The following PLA2R1 variants were observed in gnomAD, a reference collection of about 807,000 sequenced individuals.
PLA2R1 encodes the protein secretory phospholipase A2 receptor.
A neutral mutation model predicts 195.9 loss-of-function variants in PLA2R1; 158 were observed. That is an observed-to-expected ratio of 0.81 (90% CI 0.71 to 0.92). PLA2R1 has a LOEUF of 0.92. Among genes scored for constraint, PLA2R1 ranks in the 40% least tolerant of loss-of-function variants. The probability of loss-of-function intolerance (pLI) is 0.00; values close to 1 mark genes in which losing one functional copy is unlikely to be tolerated. For synonymous variants in PLA2R1, 586 were observed against 598.2 expected, an observed-to-expected ratio of 0.98 and a Z score of 0.30; for missense variants, 1,626 against 1,764.6, an observed-to-expected ratio of 0.92 and a Z score of 1.41.
chr2:160,022,976 T>C (rs1392574494), intron 6 of PLA2R1, 117 bp from the exon 7 acceptor site: 5 of 689,110 alleles, frequency 7.3e-6, no homozygotes, highest in East Asian at 5.4e-5. Flanking sequence ...AACAGAAATA[T>C]ACAAAATGAC....
chr2:159,951,468 C>T lies in PLA2R1; in HGVS notation c.3412G>A (p.Ala1138Thr). The T allele has an allele frequency of 6.2e-7, 1 of 1,610,786 alleles. No homozygotes were observed. Among genetic ancestry groups the T allele is most frequent in the Non-Finnish European group, 8.5e-7 (1 of 1,176,936 alleles). ...TTGTGCATCAGGCAGGTTTTTATTG[C>T]TGCATACCAAGTCATATTTGCATTA... The part of the protein sequence containing the change: ...IINANMTWYA[A>T]IKTCLMHKAQ... The change falls in exon 24 of 30, where the codon GCA (alanine) becomes ACA (threonine). Residue 1138 changes from alanine to threonine, a missense_variant. Physicochemically the swap from Ala to Thr is moderately conservative, Grantham distance 58 (BLOSUM62 0). Coordinates refer to ENST00000283243, the MANE Select transcript of PLA2R1 (RefSeq NM_007366.5).
chr2:159,948,678 A>T (rs1156592515), intron 25 of PLA2R1, among the ~76,000 whole-genome samples: 1 of 151,178 alleles, frequency 6.6e-6, no homozygotes, highest in Non-Finnish European at 1.5e-5. Flanking sequence ...AAAGGGAAGG[A>T]CAGCTTTTAT....
At chr2:160,025,659 C>CCA (rs143903849) in intron 6 of PLA2R1, among the ~76,000 whole-genome samples, 11 of 143,866 alleles carry the variant, frequency 7.6e-5, no homozygotes, top group South Asian at 4.3e-4. Flanking sequence ...AAATTTAGCA[C>CCA]CACACACACA....
At chr2:160,019,329 TTCA>T (rs986556126) in intron 8 of PLA2R1, among the ~76,000 whole-genome samples, 3 of 152,194 alleles carry the variant, frequency 2.0e-5, no homozygotes, top group African/African-American at 4.8e-5. Context: ...TCCCCTCATC[TTCA>T]TCACAGCAGT....
chr2:160,024,850 T>C (rs796781401), intron 6 of PLA2R1, among the ~76,000 whole-genome samples: 8 of 152,266 alleles, frequency 5.3e-5, no homozygotes, highest in African/African-American at 1.7e-4. Flanking sequence ...AGAGGAGTCA[T>C]CATTTTGCTG....
intron 23 of PLA2R1, among the ~76,000 whole-genome samples, chr2:159,953,000 TG>T (rs1374387451): frequency 1.3e-5 from 2 of 152,236 alleles, no homozygotes; most frequent in African/African-American, 4.8e-5. Context: ...CCCAGTGTAA[TG>T]GTTATTCATA....
At chr2:160,035,800 T>G (rs1232037606) in intron 3 of PLA2R1, among the ~76,000 whole-genome samples, 1 of 152,208 alleles carries the variant, frequency 6.6e-6, no homozygotes, top group Non-Finnish European at 1.5e-5. Context: ...AATTTCCCAC[T>G]TAGTCTCATC....
At chr2:160,035,163 G>A (rs757365184) in intron 3 of PLA2R1, among the ~76,000 whole-genome samples, 7 of 152,102 alleles carry the variant, frequency 4.6e-5, no homozygotes, top group Admixed American at 2.0e-4. Context: ...TTGGATAAGC[G>A]ATACTCAGCC....
chr2:159,950,152 A>G (rs1687648160), intron 24 of PLA2R1, among the ~76,000 whole-genome samples: 1 of 152,232 alleles, frequency 6.6e-6, no homozygotes, highest in Admixed American at 6.5e-5. Context: ...GTGTGGGGAA[A>G]ACCTTTCCAA....
chr2:160,020,240 C>A lies in PLA2R1; in HGVS notation c.1318G>T (p.Gly440Cys). 5.0e-6 allele frequency: 8 copies of A among 1,609,420 alleles called. No individual in the cohort carries two copies. The highest frequency in any genetic ancestry group is 6.8e-6 in the Non-Finnish European group (8 of 1,177,308). ...GDENASETWI[G>C]LSSNKIPVSF... is the part of the protein sequence containing the mutation. The stretch of plus-strand genomic sequence containing the variant: ...ACTGGAATTTTATTGCTGCTCAAAC[C>A]AATCCATGTTTCTGATGCATTTTCT... The change falls in exon 8 of 30, where the codon GGT becomes TGT. Residue 440 changes from glycine (G) to cysteine (C), a missense_variant. Gly to Cys is a radical substitution (Grantham distance 159, BLOSUM62 -3). Coordinates refer to ENST00000283243, the MANE Select transcript of PLA2R1 (RefSeq NM_007366.5).
chr2:160,013,693 C>T (rs1374510753), intron 9 of PLA2R1, among the ~76,000 whole-genome samples: 2 of 140,750 alleles, frequency 1.4e-5, no homozygotes, highest in African/African-American at 5.4e-5. Context: ...CTCTCTCTCT[C>T]TCTCTCTCTG....
chr2:160,028,199 TTAAAA>T lies in PLA2R1; in HGVS notation c.1099+14_1099+18del. The stretch of plus-strand genomic sequence containing the variant: ...CAAGTCAACAACACCTAAGAACAAC[TTAAAA>T]TAAAAACGCTTACCAACTATTTCAT... On this transcript the variant is annotated intron_variant, in intron 6 of 29. Coordinates refer to ENST00000283243, the MANE Select transcript of PLA2R1 (RefSeq NM_007366.5). The T allele has an allele frequency of 6.5e-7, 1 of 1,545,604 alleles. No individual in the cohort carries two copies. The highest frequency in any genetic ancestry group is 8.8e-7 in the Non-Finnish European group (1 of 1,140,100).
At chr2:160,035,638 T>C (rs1256201147) in intron 3 of PLA2R1, among the ~76,000 whole-genome samples, 1 of 152,214 alleles carries the variant, frequency 6.6e-6, no homozygotes, top group Non-Finnish European at 1.5e-5. Context: ...GTGTCATATA[T>C]AACTTTGAGT....
At chr2:159,959,367 C>T (rs950621726) in intron 20 of PLA2R1, among the ~76,000 whole-genome samples, 3 of 152,098 alleles carry the variant, frequency 2.0e-5, no homozygotes, top group Admixed American at 6.6e-5. Flanking sequence ...AGCTTGACTA[C>T]GGAAGTGTGG....
intron 8 of PLA2R1, among the ~76,000 whole-genome samples, chr2:160,017,680 T>G (rs909203871): frequency 2.0e-5 from 3 of 152,200 alleles, no homozygotes; most frequent in Admixed American, 2.0e-4. Flanking sequence ...AATGATATAA[T>G]AACTGCTAAC....
intron 1 of PLA2R1, among the ~76,000 whole-genome samples, chr2:160,055,490 A>G (rs765236283): frequency 4.6e-5 from 7 of 152,178 alleles, no homozygotes; most frequent in Non-Finnish European, 8.8e-5. Flanking sequence ...CCACATGTGG[A>G]AGGAGGGGTT....
chr2:159,961,528 T>C (rs1688436291), intron 20 of PLA2R1, among the ~76,000 whole-genome samples: 1 of 152,218 alleles, frequency 6.6e-6, no homozygotes, highest in Non-Finnish European at 1.5e-5. Context: ...AAACTACTGA[T>C]CTAGCTGTTA....
intron 1 of PLA2R1, among the ~76,000 whole-genome samples, chr2:160,048,117 G>A (rs535205654): frequency 6.6e-6 from 1 of 152,062 alleles, no homozygotes; most frequent in East Asian, 1.9e-4. Context: ...ACAGGTGTGA[G>A]CCACCATGCC....
At chr2:159,930,679 A>C (rs1686567978), downstream of PLA2R1, among the ~76,000 whole-genome samples, 3 of 152,178 alleles carry the variant, frequency 2.0e-5, no homozygotes. Context: ...AAATGAAGGA[A>C]GTTGTGCTTA....
Sources: allele counts gnomAD v4.1 joint callset (sites outside exome capture counted in the v4.1 genomes callset), GRCh38; gene constraint gnomAD v4.1.1; transcripts MANE v1.5; gene names NCBI Gene and HGNC (gene_info 2026-07-23, HGNC 2026-07-21).